TNPO3: variants seen among roughly 807,000 people sequenced by gnomAD.
The protein encoded by TNPO3 is transportin 3, also known as transportin-3.
A neutral mutation model predicts 122.8 loss-of-function variants in TNPO3; 65 were observed. The observed-to-expected ratio is 0.53, with a 90% confidence interval of 0.43 to 0.65. The LOEUF (loss-of-function observed/expected upper bound fraction) is 0.65. Ranked by LOEUF, TNPO3 falls within the 30% of genes least tolerant of loss-of-function variation. The probability of loss-of-function intolerance (pLI) is 0.00; values close to 1 mark genes in which losing one functional copy is unlikely to be tolerated. For synonymous variants in TNPO3, 372 were observed against 411.2 expected (o/e 0.90, Z 1.15); for missense variants, 850 against 1,136.7 (o/e 0.75, Z 3.63).
intron 9 of TNPO3, among the ~76,000 whole-genome samples, chr7:128,993,361 C>T (rs1585340005): frequency 6.6e-6 from 1 of 152,138 alleles, no homozygotes; most frequent in African/African-American, 2.4e-5. Flanking sequence ...ATAGTCACCT[C>T]TGGGACGAAA....
Position 128,990,042 on chromosome 7 carries a change from C to T in TNPO3, c.1417G>A (p.Val473Ile), listed in dbSNP as rs150330408. Residue 473 changes from valine to isoleucine, a missense_variant, in exon 11 of 23, where the codon GTA becomes ATA. Coordinates refer to ENST00000265388, the MANE Select transcript of TNPO3 (RefSeq NM_012470.4). ...LEGVVRLPET[V>I]HTAVRYTSIE... ...CTGGTGTATCGCACAGCCGTATGTA[C>T]GGTCTCCGGGAGGCGGACAACTCCT... 5.2e-5 allele frequency: 84 copies of T among 1,614,068 alleles called. No homozygotes were observed. Among genetic ancestry groups the T allele is most frequent in the African/African-American group, 1.5e-4 (11 of 74,934 alleles).
At chr7:129,014,468 A>C (rs1456286913) in intron 4 of TNPO3, among the ~76,000 whole-genome samples, 2 of 152,204 alleles carry the variant, frequency 1.3e-5, no homozygotes, top group Non-Finnish European at 2.9e-5. Context: ...GGGTGCAGTA[A>C]GCTGAGATCA....
At chr7:128,957,436 G>T in intron 21 of TNPO3, 121 bp from the exon 22 acceptor site, 1 of 960,460 alleles carries the variant, frequency 1.0e-6, no homozygotes, top group Non-Finnish European at 1.6e-6. Context: ...TCTCTCCATC[G>T]TCTCCTGAGC....
At chr7:128,968,332 A>G (rs1798126639) in intron 20 of TNPO3, among the ~76,000 whole-genome samples, 2 of 152,168 alleles carry the variant, frequency 1.3e-5, no homozygotes, top group African/African-American at 2.4e-5. Flanking sequence ...TTATATAAGT[A>G]TATCTAAGAA....
At chr7:128,997,108 T>A (rs982971065) in intron 8 of TNPO3, among the ~76,000 whole-genome samples, 4 of 152,098 alleles carry the variant, frequency 2.6e-5, no homozygotes, top group African/African-American at 9.7e-5. Context: ...TCCTCCCAAC[T>A]CAGCTTCCTG....
At position 129,000,627 on chromosome 7, in the gene TNPO3, CA is replaced by C. The variant is rs1801841822; in HGVS notation, c.873-61del. 13 of 1,489,528 alleles carry C rather than the reference CA, an allele frequency of 8.7e-6. No individual in the cohort carries two copies. In the Admixed American group the frequency reaches 1.1e-4, roughly 13 times the overall value. The allele number at this position is 1,489,528 out of a possible 1,614,324, so 92.3% of individuals were successfully genotyped here. A position where few individuals can be genotyped will look rare whatever the true frequency, so the allele number is the denominator to read the frequency against. On this transcript the variant is annotated intron_variant, in intron 6 of 22. Transcript: ENST00000265388. ...GAAATCTGGATATTATAAGTATATA[CA>C]GGCACAGTTAATCAAATAAATAAAA...
upstream of TNPO3, chr7:129,056,107 A>AC (rs1809430342): frequency 9.0e-7 from 1 of 1,106,344 alleles, no homozygotes; most frequent in South Asian, 1.3e-5. Flanking sequence ...GGCACTCAGA[A>AC]CGCGGCCACT....
intron 1 of TNPO3, among the ~76,000 whole-genome samples, chr7:129,038,565 G>A (rs576111632): frequency 6.6e-6 from 1 of 152,270 alleles, no homozygotes; most frequent in East Asian, 1.9e-4. Flanking sequence ...CAATAGCAAA[G>A]ACATGGAATC....
intron 4 of TNPO3, among the ~76,000 whole-genome samples, chr7:129,014,598 T>C (rs1803619637): frequency 6.6e-6 from 1 of 152,148 alleles, no homozygotes; most frequent in South Asian, 2.1e-4. Context: ...GAAAGGATCC[T>C]TTCTTAGTAA....
intron 3 of TNPO3, 68 bp from the exon 4 acceptor site, chr7:129,015,203 C>T: frequency 6.6e-7 from 1 of 1,523,456 alleles, no homozygotes; most frequent in Non-Finnish European, 8.9e-7. Flanking sequence ...AAGATAACAG[C>T]CATCAGAGTA....
intron 21 of TNPO3, among the ~76,000 whole-genome samples, chr7:128,965,936 T>C (rs1797887706): frequency 6.6e-6 from 1 of 152,112 alleles, no homozygotes; most frequent in Non-Finnish European, 1.5e-5. Context: ...GAGGGGAGAA[T>C]GGAGAATTGT....
chr7:129,025,387 A>AAAAAAAAAAAAAAAAAAAAAAC, intron 1 of TNPO3, among the ~76,000 whole-genome samples: 1 of 126,908 alleles, frequency 7.9e-6, no homozygotes, highest in African/African-American at 2.9e-5. Context: ...AAAAAAAAAA[A>AAAAAAAAAAAAAAAAAAAAAAC]AAAAAAAAAA....
At position 128,978,859 on chromosome 7, in the gene TNPO3, T is replaced by C. The variant is rs1273789978; in HGVS notation, c.2061+124A>G. 7 of 1,122,692 alleles carry C rather than the reference T, an allele frequency of 6.2e-6. No individual in the cohort carries two copies. In the East Asian group the frequency reaches 1.8e-4, roughly 29 times the overall value. The allele number at this position is 1,122,692 out of a possible 1,614,324, so 69.5% of individuals were successfully genotyped here. A position where few individuals can be genotyped will look rare whatever the true frequency, so the allele number is the denominator to read the frequency against. On this transcript the variant is annotated intron_variant, in intron 16 of 22. Coordinates refer to ENST00000265388, the MANE Select transcript of TNPO3 (RefSeq NM_012470.4). ...GTTGGCCAGGCTGGTCTTGAACTCC[T>C]GACCTCAGGTGGTCCACCTGCATAG...
intron 7 of TNPO3, among the ~76,000 whole-genome samples, 192 bp from the exon 8 acceptor site, chr7:128,997,727 A>T (rs1484982819): frequency 6.6e-6 from 1 of 152,174 alleles, no homozygotes; most frequent in Non-Finnish European, 1.5e-5. Flanking sequence ...TTAGGCCCAA[A>T]TCTCCATTTA....
intron 14 of TNPO3, among the ~76,000 whole-genome samples, chr7:128,980,641 G>C (rs1274977941): frequency 6.6e-6 from 1 of 151,544 alleles, no homozygotes; most frequent in Non-Finnish European, 1.5e-5. Flanking sequence ...AGTGAACCGA[G>C]ATCACACCAT....
rs143289417 is a variant in TNPO3 at position 128,991,024 on chromosome 7, C to T, written c.1359-924G>A. Among the ~76,000 whole-genome samples, 11 of 152,224 alleles carry T rather than the reference C, an allele frequency of 7.2e-5. No homozygotes were observed. In the East Asian group the frequency reaches 7.7e-4, roughly 11 times the overall value. ...ATTTATGACTTATGTTTCCTAGGGACACTAAGTCAATTAACGAAGACTATC... is the reference window on the plus strand; with the variant it reads ...ATTTATGACTTATGTTTCCTAGGGATACTAAGTCAATTAACGAAGACTATC... On this transcript the variant is annotated intron_variant, in intron 10 of 22. Coordinates refer to ENST00000265388, the MANE Select transcript of TNPO3 (RefSeq NM_012470.4).
At chr7:129,040,633 T>C (rs926204566) in intron 1 of TNPO3, among the ~76,000 whole-genome samples, 11 of 152,200 alleles carry the variant, frequency 7.2e-5, no homozygotes, top group Non-Finnish European at 1.3e-4. Context: ...AGTTGGAAAT[T>C]GCACCTTTTA....
intron 8 of TNPO3, among the ~76,000 whole-genome samples, chr7:128,996,265 T>C (rs1033287846): frequency 6.6e-6 from 1 of 152,232 alleles, no homozygotes; most frequent in African/African-American, 2.4e-5. Context: ...AAGAGTTTTC[T>C]AATAAACTAA....
At chr7:128,978,226 A>G (rs930181507) in intron 16 of TNPO3, among the ~76,000 whole-genome samples, 1 of 152,266 alleles carries the variant, frequency 6.6e-6, no homozygotes, top group African/African-American at 2.4e-5. Context: ...ATGATTTTAG[A>G]GAACATCATT....
Sources: allele counts gnomAD v4.1 joint callset (sites outside exome capture counted in the v4.1 genomes callset), GRCh38; gene constraint gnomAD v4.1.1; transcripts MANE v1.5; gene names NCBI Gene and HGNC (gene_info 2026-07-23, HGNC 2026-07-21).